DYNC2I1: variants seen among roughly 807,000 people sequenced by gnomAD.
DYNC2I1 encodes the protein cytoplasmic dynein 2 intermediate chain 1.
Under a neutral mutation model 133.4 loss-of-function variants are expected in DYNC2I1, and 89 were observed. The observed-to-expected ratio is 0.67, with a 90% confidence interval of 0.56 to 0.80. DYNC2I1 has a LOEUF of 0.80. Ranked by LOEUF, DYNC2I1 falls within the 30% of genes least tolerant of loss-of-function variation. DYNC2I1 has a pLI of 0.00. For synonymous variants in DYNC2I1, 504 were observed against 484.3 expected, an observed-to-expected ratio of 1.04 and a Z score of -0.54; for missense variants, 1,291 against 1,314.5, an observed-to-expected ratio of 0.98 and a Z score of 0.28.
At chr7:158,902,234 C>G (rs928894475) in intron 9 of DYNC2I1, 142 bp from the exon 10 acceptor site, 1 of 702,324 alleles carries the variant, frequency 1.4e-6, no homozygotes, top group South Asian at 2.1e-5. Flanking sequence ...ACATTAAAAT[C>G]AGGGAACTAT....
At chr7:158,897,277 G>T (rs551291126) in intron 8 of DYNC2I1, among the ~76,000 whole-genome samples, 1 of 152,172 alleles carries the variant, frequency 6.6e-6, no homozygotes, top group Non-Finnish European at 1.5e-5. Flanking sequence ...GGTATTACAG[G>T]TGTGAGCTAC....
chr7:158,912,411 A>G (rs1314798848), intron 12 of DYNC2I1, among the ~76,000 whole-genome samples: 2 of 152,224 alleles, frequency 1.3e-5, no homozygotes, highest in African/African-American at 4.8e-5. Flanking sequence ...GAGGAAGGTC[A>G]CGGGATGAAG....
chr7:158,954,254 C>T (rs1383484096), intron 4 of DYNC2I1, among the ~76,000 whole-genome samples: 3 of 152,192 alleles, frequency 2.0e-5, no homozygotes, highest in African/African-American at 7.2e-5. Context: ...TACCCCGTCT[C>T]CAGTATGTCT....
intron 11 of DYNC2I1, 33 bp downstream of exon 11, chr7:158,906,124 C>A: frequency 6.4e-7 from 1 of 1,570,330 alleles, no homozygotes; most frequent in Non-Finnish European, 8.7e-7. Flanking sequence ...CAAAGGTGTT[C>A]AGGGTTTTAG....
In DYNC2I1 at chr7:158,902,615, T is replaced by C. The variant is rs1846360614; in HGVS notation, c.1357+20T>C. On this transcript the variant is annotated intron_variant, in intron 10 of 24. Coordinates refer to ENST00000407559, the MANE Select transcript of DYNC2I1 (RefSeq NM_018051.5). Reference sequence around the variant, plus strand: ...GGACAGGTAAACAAATCAATGCTACTAATGGTGTCCGTGCTCTTAGGGCTC... The same window carrying C: ...GGACAGGTAAACAAATCAATGCTACCAATGGTGTCCGTGCTCTTAGGGCTC... 2.5e-6 allele frequency: 4 copies of C among 1,607,780 alleles called. No individual in the cohort carries two copies. The highest frequency in any genetic ancestry group is 3.4e-6 in the Non-Finnish European group (4 of 1,175,654).
intron 8 of DYNC2I1, among the ~76,000 whole-genome samples, chr7:158,897,195 G>C (rs1478380744): frequency 6.6e-6 from 1 of 151,766 alleles, no homozygotes; most frequent in Non-Finnish European, 1.5e-5. Context: ...TGTTGGCCAG[G>C]CTAGTCTCAA....
chr7:158,936,267 G>A (rs753239078), intron 23 of DYNC2I1, among the ~76,000 whole-genome samples: 1 of 151,174 alleles, frequency 6.6e-6, no homozygotes, highest in Non-Finnish European at 1.5e-5. Context: ...AGCTTTTTTT[G>A]GCTTCTCTCC....
At chr7:158,942,184 G>A (rs748470271) in intron 24 of DYNC2I1, 36 bp downstream of exon 24, 1 of 1,482,804 alleles carries the variant, frequency 6.7e-7, no homozygotes, top group Non-Finnish European at 9.0e-7. Context: ...TGCTGGTTGT[G>A]GGGGGGCTTC....
chr7:158,934,580 T>A (rs1850563235), intron 23 of DYNC2I1, 31 bp downstream of exon 23: 1 of 1,548,006 alleles, frequency 6.5e-7, no homozygotes, highest in Admixed American at 2.0e-5. Context: ...GAGCTCCAAT[T>A]CTTCTTTTTT....
At chr7:158,884,149 A>G (rs1053025519) in intron 5 of DYNC2I1, among the ~76,000 whole-genome samples, 16 of 147,500 alleles carry the variant, frequency 1.1e-4, no homozygotes, top group African/African-American at 3.5e-4. Flanking sequence ...GGTTCACGCC[A>G]TTCTCCTGCC....
At chr7:158,935,182 T>C (rs1181110005) in intron 23 of DYNC2I1, among the ~76,000 whole-genome samples, 1 of 152,248 alleles carries the variant, frequency 6.6e-6, no homozygotes, top group Non-Finnish European at 1.5e-5. Flanking sequence ...AGTCCAGGGA[T>C]GGCCGTCGGG....
At chr7:158,913,976 C>G (rs1847753432) in intron 13 of DYNC2I1, among the ~76,000 whole-genome samples, 1 of 152,194 alleles carries the variant, frequency 6.6e-6, no homozygotes, top group Non-Finnish European at 1.5e-5. Context: ...ACCCAAAGTG[C>G]TGGGATTACA....
At chr7:158,929,413 C>T (rs1001260902) in intron 20 of DYNC2I1, among the ~76,000 whole-genome samples, 1 of 149,646 alleles carries the variant, frequency 6.7e-6, no homozygotes, top group Non-Finnish European at 1.5e-5. Flanking sequence ...TGCCCGTGGG[C>T]GGTGGCGTGT....
intron 4 of DYNC2I1, among the ~76,000 whole-genome samples, chr7:158,951,243 G>C (rs1397619300): frequency 6.6e-6 from 1 of 152,238 alleles, no homozygotes; most frequent in Admixed American, 6.5e-5. Context: ...GGACAGTAGA[G>C]AGGGAGGTAA....
the DYNC2I1 span, among the ~76,000 whole-genome samples, chr7:158,846,601 A>G: frequency 6.6e-6 from 1 of 152,248 alleles, no homozygotes; most frequent in Non-Finnish European, 1.5e-5. Flanking sequence ...ATTAAAATAC[A>G]TAATACAAAA....
At chr7:158,922,317 T>TAAAA in intron 15 of DYNC2I1, 60 bp from the exon 16 acceptor site, 1 of 1,551,488 alleles carries the variant, frequency 6.4e-7, no homozygotes, top group East Asian at 2.3e-5. Context: ...GGAAGTGTGT[T>TAAAA]AAATTTAACT....
chr7:158,854,026 G>GC (rs1841113294), upstream of DYNC2I1, among the ~76,000 whole-genome samples: 1 of 150,964 alleles, frequency 6.6e-6, no homozygotes, highest in Non-Finnish European at 1.5e-5. Flanking sequence ...TTAGTGGGTG[G>GC]GGGGGCGTTG....
intron 20 of DYNC2I1, among the ~76,000 whole-genome samples, chr7:158,928,829 C>A (rs545607494): frequency 3.3e-5 from 5 of 152,076 alleles, no homozygotes; most frequent in Non-Finnish European, 7.4e-5. Context: ...CCCCAAATGC[C>A]CAGAACTCTT....
chr7:158,879,160 G>A (rs1005400532), intron 4 of DYNC2I1, among the ~76,000 whole-genome samples: 2 of 152,154 alleles, frequency 1.3e-5, no homozygotes, highest in South Asian at 4.1e-4. Context: ...TCTGACCATG[G>A]ACCATGACAT....
Sources: allele counts gnomAD v4.1 joint callset (sites outside exome capture counted in the v4.1 genomes callset), GRCh38; gene constraint gnomAD v4.1.1; transcripts MANE v1.5; gene names NCBI Gene and HGNC (gene_info 2026-07-23, HGNC 2026-07-21).